The following CDH12 variants were observed in gnomAD, a reference collection of about 807,000 sequenced individuals.
The protein encoded by CDH12 is cadherin 12.
CDH12 carries 41 observed loss-of-function variants against 74.1 expected under a neutral mutation model. That is an observed-to-expected ratio of 0.55 (90% CI 0.43 to 0.72). The LOEUF (loss-of-function observed/expected upper bound fraction) is 0.72. Among genes scored for constraint, CDH12 ranks in the 30% least tolerant of loss-of-function variants. The pLI, the probability that CDH12 is intolerant of heterozygous loss-of-function variation, is 0.00. For synonymous variants in CDH12, 399 were observed against 355.0 expected (o/e 1.12, Z -1.39); for missense variants, 945 against 977.2 (o/e 0.97, Z 0.44).
chr5:21,761,137 A>C lies in CDH12; in HGVS notation c.1516-462T>G, dbSNP rs115194780. ...ATTTTCATAAATAAATAAAATGATA[A>C]ATAGAGATACAAAAGCTGTATATCT... On this transcript the variant is annotated intron_variant, in intron 12 of 14. Coordinates refer to ENST00000382254, the MANE Select transcript of CDH12 (RefSeq NM_004061.5). Among the ~76,000 whole-genome samples the C allele has an allele frequency of 9.2e-3, 1,399 of 152,244 alleles. 26 individuals carry two copies. The highest frequency in any genetic ancestry group is 0.032 in the African/African-American group (1,331 of 41,556).
intron 1 of CDH12, among the ~76,000 whole-genome samples, chr5:22,704,148 G>C (rs1409079767): frequency 6.6e-6 from 1 of 152,080 alleles, no homozygotes; most frequent in Non-Finnish European, 1.5e-5. Context: ...CAATTAAATT[G>C]TAAAAGTTTT....
At chr5:22,302,944 GGAT>G (rs1737953622) in intron 3 of CDH12, among the ~76,000 whole-genome samples, 1 of 152,034 alleles carries the variant, frequency 6.6e-6, no homozygotes, top group African/African-American at 2.4e-5. Flanking sequence ...AAGCTAAACT[GGAT>G]GATAAATGTT....
intron 1 of CDH12, among the ~76,000 whole-genome samples, chr5:22,648,933 T>C (rs927915714): frequency 9.9e-5 from 15 of 151,916 alleles, no homozygotes; most frequent in African/African-American, 3.6e-4. Context: ...GATGGACAAA[T>C]GTGATAATAT....
intron 6 of CDH12, among the ~76,000 whole-genome samples, chr5:21,950,000 G>C: frequency 6.6e-6 from 1 of 152,160 alleles, no homozygotes; most frequent in East Asian, 1.9e-4. Context: ...AACTCTCCCA[G>C]AGCAACTCCT....
Position 21,927,397 on chromosome 5 carries a change from A to C in CDH12, c.526+47694T>G, listed in dbSNP as rs976586161. On this transcript the variant is annotated intron_variant, in intron 6 of 14. Coordinates refer to ENST00000382254, the MANE Select transcript of CDH12 (RefSeq NM_004061.5). ...GCTTGAGTTTGAGAACAGCCTGGGC[A>C]ACATGGTAAAACCCTGTCTCTACTA... Among the ~76,000 whole-genome samples the C allele has an allele frequency of 1.3e-4, 19 of 149,464 alleles. No homozygotes were observed. In the South Asian group the frequency reaches 2.8e-3, roughly 22 times the overall value.
intron 5 of CDH12, among the ~76,000 whole-genome samples, chr5:21,977,262 C>A (rs1757108699): frequency 6.6e-6 from 1 of 151,306 alleles, no homozygotes; most frequent in South Asian, 2.1e-4. Flanking sequence ...GATTTTTGTC[C>A]ACCTATTAAA....
intron 1 of CDH12, among the ~76,000 whole-genome samples, chr5:22,613,221 T>C (rs908753603): frequency 1.3e-5 from 2 of 152,042 alleles, no homozygotes; most frequent in African/African-American, 2.4e-5. Flanking sequence ...CCCTGGCAGA[T>C]TGAAATGTGA....
At chr5:22,006,822 C>A (rs1736992901) in intron 5 of CDH12, among the ~76,000 whole-genome samples, 1 of 152,144 alleles carries the variant, frequency 6.6e-6, no homozygotes, top group African/African-American at 2.4e-5. Context: ...GAAGTGTTCA[C>A]ACTGTAACAA....
At chr5:22,231,606 T>C (rs1278642671) in intron 3 of CDH12, among the ~76,000 whole-genome samples, 1 of 151,966 alleles carries the variant, frequency 6.6e-6, no homozygotes, top group East Asian at 1.9e-4. Context: ...TGAAAACTAT[T>C]AAACTATGAG....
At chr5:22,382,058 C>G (rs1034331592) in intron 3 of CDH12, among the ~76,000 whole-genome samples, 4 of 145,438 alleles carry the variant, frequency 2.8e-5, no homozygotes, top group Non-Finnish European at 6.0e-5. Flanking sequence ...ACTGCAGTCT[C>G]AATATTATAA....
intron 1 of CDH12, among the ~76,000 whole-genome samples, chr5:22,564,511 T>G (rs933625690): frequency 2.0e-5 from 3 of 152,242 alleles, no homozygotes; most frequent in Admixed American, 2.0e-4. Context: ...GTAATAATTG[T>G]AATATTTTAA....
chr5:22,436,163 C>T (rs531595573), intron 2 of CDH12, among the ~76,000 whole-genome samples: 12 of 150,018 alleles, frequency 8.0e-5, no homozygotes, highest in African/African-American at 2.7e-4. Flanking sequence ...CAAACTATCG[C>T]AAGGACAAAA....
At chr5:22,837,964 C>T (rs1408753331) in intron 1 of CDH12, among the ~76,000 whole-genome samples, 9 of 152,110 alleles carry the variant, frequency 5.9e-5, no homozygotes, top group African/African-American at 1.7e-4. Flanking sequence ...TTCCTCTACC[C>T]GATGGTTGCT....
intron 6 of CDH12, among the ~76,000 whole-genome samples, chr5:21,899,808 G>A (rs1409659165): frequency 6.6e-6 from 1 of 151,146 alleles, no homozygotes; most frequent in Non-Finnish European, 1.5e-5. Flanking sequence ...TATAATATAT[G>A]AACCATACTA....
At chr5:22,180,385 T>G (rs1749568062) in intron 4 of CDH12, among the ~76,000 whole-genome samples, 1 of 152,174 alleles carries the variant, frequency 6.6e-6, no homozygotes, top group Admixed American at 6.5e-5. Context: ...TACAGTGGCT[T>G]AATTTTTTTT....
chr5:22,847,499 T>C (rs1737360652), intron 1 of CDH12, among the ~76,000 whole-genome samples: 2 of 152,214 alleles, frequency 1.3e-5, no homozygotes, highest in African/African-American at 4.8e-5. Context: ...CATTTAGTGC[T>C]GATGATAGCA....
chr5:22,078,860 G>T lies in CDH12; in HGVS notation c.-184C>A. The stretch of plus-strand genomic sequence containing the variant: ...TGCTGTATTATATTCCATCTAAAGG[G>T]GCCTATGAAATAGATGAACAAAGAT... On this transcript the variant is annotated splice_region_variant and 5_prime_UTR_variant, in exon 5 of 15. Coordinates refer to ENST00000382254, the MANE Select transcript of CDH12 (RefSeq NM_004061.5). 1 of 1,341,076 alleles carries T rather than the reference G, an allele frequency of 7.5e-7. No individual in the cohort carries two copies. The highest frequency in any genetic ancestry group is 9.6e-7 in the Non-Finnish European group (1 of 1,045,930). The allele number at this position is 1,341,076 out of a possible 1,614,324, so 83.1% of individuals were successfully genotyped here. A position where few individuals can be genotyped will look rare whatever the true frequency, so the allele number is the denominator to read the frequency against.
intron 1 of CDH12, among the ~76,000 whole-genome samples, chr5:22,516,413 CATTTTT>C (rs894431654): frequency 2.0e-5 from 3 of 151,996 alleles, no homozygotes; most frequent in African/African-American, 7.2e-5. Context: ...TTTTATTTTT[CATTTTT>C]ATTAAGAAGC....
At chr5:22,029,576 C>A (rs1738663784) in intron 5 of CDH12, among the ~76,000 whole-genome samples, 1 of 152,024 alleles carries the variant, frequency 6.6e-6, no homozygotes, top group African/African-American at 2.4e-5. Flanking sequence ...CCATCTCACA[C>A]CAGTTAGAAT....
Sources: gnomAD v4.1 joint callset for allele counts (sites outside exome capture counted in the v4.1 genomes callset) on GRCh38, gnomAD v4.1.1 for gene constraint, MANE v1.5 for transcripts, NCBI Gene and HGNC (gene_info 2026-07-23, HGNC 2026-07-21) for gene names.